SPOCK3: variants seen among roughly 807,000 people sequenced by gnomAD.
The protein encoded by SPOCK3 is SPARC (osteonectin), cwcv and kazal like domains proteoglycan 3.
In SPOCK3, 30 loss-of-function variants were observed where a neutral mutation model predicts 56.6. The observed-to-expected ratio is 0.53, with a 90% CI of 0.40 to 0.72. SPOCK3 has a LOEUF of 0.72. SPOCK3 is among the 30% of genes least tolerant of loss of function. The pLI, the probability that SPOCK3 is intolerant of heterozygous loss-of-function variation, is 0.00. For synonymous variants in SPOCK3, 196 were observed against 183.3 expected, an observed-to-expected ratio of 1.07 and a Z score of -0.56; for missense variants, 527 against 530.0, an observed-to-expected ratio of 0.99 and a Z score of 0.06.
chr4:166,972,721 A>G (rs970772171), intron 4 of SPOCK3, among the ~76,000 whole-genome samples: 1 of 152,074 alleles, frequency 6.6e-6, no homozygotes, highest in African/African-American at 2.4e-5. Context: ...TTATTGATCA[A>G]CAACTGACTG....
chr4:167,097,244 C>T (rs909157437), intron 2 of SPOCK3, among the ~76,000 whole-genome samples: 5 of 151,710 alleles, frequency 3.3e-5, no homozygotes, highest in African/African-American at 1.2e-4. Flanking sequence ...TGTCATTTTT[C>T]TTTAAACCTC....
chr4:167,186,897 A>G lies in SPOCK3; in HGVS notation c.189+47088T>C, dbSNP rs1732021823. Among the ~76,000 whole-genome samples, 5 of 151,218 alleles carry G rather than the reference A, an allele frequency of 3.3e-5. No individual in the cohort carries two copies. The South Asian group carries it at 1.0e-3, about 32-fold the overall frequency. ...GAGGCTGAGGCAGGAGAATCGCTGG[A>G]ACCCGGGAGGCAGAGGCTGCAGTGA... On this transcript the variant is annotated intron_variant, in intron 2 of 10. Transcript: ENST00000357545.
intron 6 of SPOCK3, among the ~76,000 whole-genome samples, chr4:166,835,606 G>C (rs1560909782): frequency 6.6e-6 from 1 of 151,970 alleles, no homozygotes; most frequent in African/African-American, 2.4e-5. Context: ...CTGTATTTTA[G>C]CTTCAGTGGG....
chr4:167,089,639 T>C (rs1758530311), intron 2 of SPOCK3, among the ~76,000 whole-genome samples: 1 of 152,176 alleles, frequency 6.6e-6, no homozygotes. Context: ...ATGTCAATTT[T>C]ATGGGAGGTC....
intron 5 of SPOCK3, among the ~76,000 whole-genome samples, chr4:166,897,591 C>G (rs547715786): frequency 6.6e-6 from 1 of 152,130 alleles, no homozygotes; most frequent in Non-Finnish European, 1.5e-5. Flanking sequence ...AGAACTGACA[C>G]GAACATCAAA....
At chr4:167,140,474 A>G (rs1763442854) in intron 2 of SPOCK3, among the ~76,000 whole-genome samples, 2 of 152,144 alleles carry the variant, frequency 1.3e-5, no homozygotes, top group Non-Finnish European at 2.9e-5. Context: ...CCAATACTGT[A>G]TAGTTATACT....
intron 4 of SPOCK3, among the ~76,000 whole-genome samples, chr4:166,920,902 A>C (rs1308231403): frequency 2.0e-5 from 3 of 152,218 alleles, no homozygotes; most frequent in Non-Finnish European, 4.4e-5. Flanking sequence ...GCCATTTAAC[A>C]ATTAAATGCT....
chr4:167,112,954 G>A (rs1210178225), intron 2 of SPOCK3, among the ~76,000 whole-genome samples: 6 of 152,046 alleles, frequency 3.9e-5, no homozygotes, highest in Non-Finnish European at 7.4e-5. Context: ...ATCCAAGGAC[G>A]CTGGATAACT....
intron 2 of SPOCK3, among the ~76,000 whole-genome samples, chr4:167,205,188 T>TAAAATATCTATAATATA (rs1561320508): frequency 1.9e-5 from 2 of 105,642 alleles, no homozygotes; most frequent in African/African-American, 7.4e-5. Flanking sequence ...ATTATAGATA[T>TAAAATATCTATAATATA]TTTATATCTA....
At chr4:166,807,496 G>A (rs938315314) in intron 6 of SPOCK3, among the ~76,000 whole-genome samples, 1 of 152,066 alleles carries the variant, frequency 6.6e-6, no homozygotes, top group African/African-American at 2.4e-5. Context: ...TTTGTCCTGT[G>A]TTCTTTAATA....
chr4:167,192,745 C>A (rs1732582120), intron 2 of SPOCK3, among the ~76,000 whole-genome samples: 1 of 145,486 alleles, frequency 6.9e-6, no homozygotes, highest in Admixed American at 7.1e-5. Flanking sequence ...TCACTATAAG[C>A]TTTCCTCTTT....
chr4:166,889,255 A>G lies in SPOCK3; in HGVS notation c.475-11T>C. On this transcript the variant is annotated splice_polypyrimidine_tract_variant and intron_variant, in intron 5 of 10. Coordinates refer to ENST00000357545, the MANE Select transcript of SPOCK3 (RefSeq NM_001040159.2). The stretch of plus-strand genomic sequence containing the variant: ...ATATTCTAGTTTGCACTGTATAAAA[A>G]GAGAAAAAAAAAGTAATTCAAATGC... 6.6e-7 allele frequency: 1 copy of G among 1,519,238 alleles called. No homozygotes were observed. Among genetic ancestry groups the G allele is most frequent in the Non-Finnish European group, 9.1e-7 (1 of 1,103,016 alleles). The allele number at this position is 1,519,238 out of a possible 1,614,324, so 94.1% of individuals were successfully genotyped here.
At chr4:167,154,102 G>A (rs1258172608) in intron 2 of SPOCK3, among the ~76,000 whole-genome samples, 2 of 151,956 alleles carry the variant, frequency 1.3e-5, no homozygotes, top group Non-Finnish European at 1.5e-5. Flanking sequence ...TAAAAATGGG[G>A]TCCTTTACAA....
chr4:166,750,631 T>C (rs1054254435), intron 8 of SPOCK3, among the ~76,000 whole-genome samples: 10 of 152,174 alleles, frequency 6.6e-5, no homozygotes, highest in Non-Finnish European at 1.5e-4. Context: ...GCATTCTGAA[T>C]TTAAAAACCC....
intron 2 of SPOCK3, among the ~76,000 whole-genome samples, chr4:167,083,468 G>A (rs367824533): frequency 1.3e-5 from 2 of 152,112 alleles, no homozygotes; most frequent in South Asian, 2.1e-4. Context: ...ATAGCTGAGT[G>A]TACAACCTGG....
At chr4:166,955,852 T>C (rs1743398373) in intron 4 of SPOCK3, among the ~76,000 whole-genome samples, 1 of 151,938 alleles carries the variant, frequency 6.6e-6, no homozygotes, top group Non-Finnish European at 1.5e-5. Flanking sequence ...AGGAGCAGGA[T>C]AGATGTCCCT....
At chr4:166,780,425 G>T (rs776726386) in intron 7 of SPOCK3, among the ~76,000 whole-genome samples, 11 of 152,022 alleles carry the variant, frequency 7.2e-5, no homozygotes, top group Non-Finnish European at 1.0e-4. Context: ...GAAGACTTAG[G>T]GCAAGATAAG....
intron 5 of SPOCK3, among the ~76,000 whole-genome samples, chr4:166,906,878 A>G (rs1017725519): frequency 6.6e-6 from 1 of 152,048 alleles, no homozygotes; most frequent in African/African-American, 2.4e-5. Flanking sequence ...TTGAAATGCA[A>G]TTAATAACAT....
intron 3 of SPOCK3, among the ~76,000 whole-genome samples, chr4:167,046,450 CTT>C (rs67108499): frequency 0.02 from 1,054 of 53,592 alleles, 11 homozygotes; most frequent in African/African-American, 0.054. Flanking sequence ...TTCTGATATT[CTT>C]TTTTTTTTTT....
Sources: allele counts gnomAD v4.1 joint callset (sites outside exome capture counted in the v4.1 genomes callset), GRCh38; gene constraint gnomAD v4.1.1; transcripts MANE v1.5; gene names NCBI Gene and HGNC (gene_info 2026-07-23, HGNC 2026-07-21).